The following KCNH1 variants were observed in gnomAD, a reference collection of about 807,000 sequenced individuals.
KCNH1 encodes potassium voltage-gated channel subfamily H member 1.
Under a neutral mutation model 69.2 loss-of-function variants are expected in KCNH1, and 27 were observed. That is an observed-to-expected ratio of 0.39 (90% CI 0.29 to 0.54). KCNH1 has a LOEUF of 0.54. Ranked by LOEUF, KCNH1 falls within the 20% of genes least tolerant of loss-of-function variation. The pLI is 0.68. For synonymous variants in KCNH1, 456 were observed against 487.7 expected (o/e 0.93, Z 0.86); for missense variants, 798 against 1,261.6 (o/e 0.63, Z 5.57).
chr1:211,023,034 C>T (rs1417950660), intron 5 of KCNH1, among the ~76,000 whole-genome samples: 1 of 151,710 alleles, frequency 6.6e-6, no homozygotes, highest in East Asian at 1.9e-4. Context: ...ACACTTGAAC[C>T]CGGGAGGCAG....
At chr1:210,953,380 G>C (rs1688100146) in intron 6 of KCNH1, among the ~76,000 whole-genome samples, 1 of 152,154 alleles carries the variant, frequency 6.6e-6, no homozygotes, top group South Asian at 2.1e-4. Context: ...CTCACCATAA[G>C]ATTTCTATTA....
chr1:210,780,302 C>T (rs1190545838), intron 9 of KCNH1, among the ~76,000 whole-genome samples: 1 of 152,188 alleles, frequency 6.6e-6, no homozygotes, highest in Admixed American at 6.5e-5. Flanking sequence ...CTTCTCTTCA[C>T]TATTTCCTAT....
At chr1:210,724,333 C>T (rs1682540353) in intron 10 of KCNH1, among the ~76,000 whole-genome samples, 1 of 152,024 alleles carries the variant, frequency 6.6e-6, no homozygotes, top group Admixed American at 6.6e-5. Flanking sequence ...TTTCAATGTG[C>T]AGCCAAGGCT....
chr1:211,117,601 A>G (rs1691604959), intron 1 of KCNH1, among the ~76,000 whole-genome samples: 1 of 152,156 alleles, frequency 6.6e-6, no homozygotes, highest in Non-Finnish European at 1.5e-5. Flanking sequence ...AAACCAATAG[A>G]AGAATGAGGG....
At chr1:210,721,798 TAAAAATAA>T (rs869067862) in intron 10 of KCNH1, among the ~76,000 whole-genome samples, 1 of 135,336 alleles carries the variant, frequency 7.4e-6, no homozygotes, top group East Asian at 2.2e-4. Flanking sequence ...TAAAGTATAA[TAAAAATAA>T]ATAAATAAAT....
chr1:210,761,605 C>T (rs980746715), intron 10 of KCNH1, among the ~76,000 whole-genome samples: 2 of 152,084 alleles, frequency 1.3e-5, no homozygotes, highest in Admixed American at 1.3e-4. Context: ...TCTTATATCA[C>T]ATAAAATAGG....
chr1:210,898,671 G>C (rs1239378203), intron 7 of KCNH1, among the ~76,000 whole-genome samples: 1 of 143,848 alleles, frequency 7.0e-6, no homozygotes, highest in African/African-American at 2.5e-5. Context: ...GGAGGGGGCA[G>C]GCGTGGCGGC....
At chr1:210,791,855 CA>C (rs1429755840) in intron 9 of KCNH1, among the ~76,000 whole-genome samples, 2 of 152,016 alleles carry the variant, frequency 1.3e-5, no homozygotes, top group African/African-American at 2.4e-5. Context: ...GCTAACTAAG[CA>C]AAAATGAGAG....
In KCNH1 at chr1:211,055,968, A is replaced by G. The variant is rs906711748; in HGVS notation, c.558+26812T>C. 5.9e-5 allele frequency among the ~76,000 whole-genome samples: 9 copies of G among 152,222 alleles called. 1 individual carries two copies. Among genetic ancestry groups the G allele is most frequent in the Admixed American group, 1.3e-4 (2 of 15,290 alleles). On this transcript the variant is annotated intron_variant, in intron 5 of 10. Coordinates refer to ENST00000271751, the MANE Select transcript of KCNH1 (RefSeq NM_172362.3). ...TAAGAGTCAGAGCCATGCTGGCTTC[A>G]GGTGTGACCCAGAACATATCCAGCT...
intron 6 of KCNH1, among the ~76,000 whole-genome samples, chr1:211,005,842 C>G (rs1280343280): frequency 6.6e-6 from 1 of 151,826 alleles, no homozygotes; most frequent in African/African-American, 2.4e-5. Flanking sequence ...CACATATAAC[C>G]CATAAAGGGT....
chr1:211,092,817 C>G (rs75528879), intron 3 of KCNH1, among the ~76,000 whole-genome samples: 3 of 141,286 alleles, frequency 2.1e-5, no homozygotes, highest in Non-Finnish European at 4.8e-5. Context: ...ACACACAAAT[C>G]AAAAAAAACC....
At chr1:210,932,118 G>T (rs1687690614) in intron 6 of KCNH1, among the ~76,000 whole-genome samples, 2 of 152,078 alleles carry the variant, frequency 1.3e-5, no homozygotes, top group South Asian at 4.2e-4. Context: ...CCCAGATCCA[G>T]GAAGTTTGAA....
intron 6 of KCNH1, among the ~76,000 whole-genome samples, chr1:210,926,284 C>T (rs775975096): frequency 2.0e-5 from 3 of 152,050 alleles, no homozygotes; most frequent in Non-Finnish European, 2.9e-5. Context: ...CACACACACA[C>T]ACAAAACCAA....
At chr1:211,092,734 C>A (rs559750802) in intron 3 of KCNH1, among the ~76,000 whole-genome samples, 3 of 152,096 alleles carry the variant, frequency 2.0e-5, no homozygotes, top group South Asian at 4.1e-4. Flanking sequence ...ACAGAAAACT[C>A]AAAGTAAAGT....
intron 9 of KCNH1, among the ~76,000 whole-genome samples, chr1:210,797,192 C>G (rs1263638525): frequency 6.6e-6 from 1 of 152,188 alleles, no homozygotes; most frequent in Admixed American, 6.5e-5. Context: ...AGGAAGCCTT[C>G]CCACTTGAAT....
intron 6 of KCNH1, among the ~76,000 whole-genome samples, chr1:210,975,389 A>G (rs1688588488): frequency 6.6e-6 from 1 of 152,218 alleles, no homozygotes; most frequent in African/African-American, 2.4e-5. Context: ...TGGTACTGGT[A>G]CCAAAACAGA....
chr1:210,763,264 A>T (rs962124659), intron 10 of KCNH1, among the ~76,000 whole-genome samples: 1 of 152,164 alleles, frequency 6.6e-6, no homozygotes, highest in Admixed American at 6.5e-5. Context: ...CACAGCCAAC[A>T]TCATACTGAA....
At chr1:210,702,227 G>A (rs1681798530) in intron 10 of KCNH1, among the ~76,000 whole-genome samples, 1 of 152,176 alleles carries the variant, frequency 6.6e-6, no homozygotes, top group Admixed American at 6.5e-5. Context: ...GGGTCAAAGA[G>A]CTGGACCCTT....
chr1:210,690,724 C>A (rs992940007), intron 10 of KCNH1, among the ~76,000 whole-genome samples: 2 of 152,154 alleles, frequency 1.3e-5, no homozygotes, highest in Non-Finnish European at 2.9e-5. Context: ...TACATGACAG[C>A]CCAGAACATG....
Sources: allele counts gnomAD v4.1 joint callset (sites outside exome capture counted in the v4.1 genomes callset), GRCh38; gene constraint gnomAD v4.1.1; transcripts MANE v1.5; gene names NCBI Gene and HGNC (gene_info 2026-07-23, HGNC 2026-07-21).